Variants in SLC25A13 observed in about 807,000 individuals in gnomAD.
The protein encoded by SLC25A13 is solute carrier family 25 member 13.
SLC25A13 carries 70 observed loss-of-function variants against 85.5 expected under a neutral mutation model. The observed-to-expected ratio is 0.82, with a 90% CI of 0.68 to 1.00. SLC25A13 has a LOEUF of 1.00. Ranked by LOEUF, SLC25A13 falls within the 50% of genes least tolerant of loss-of-function variation. SLC25A13 has a pLI of 0.00. For missense variants in SLC25A13, 765 were observed against 819.8 expected (o/e 0.93, Z 0.82); for synonymous variants, 259 against 288.7 (o/e 0.90, Z 1.04).
At chr7:96,143,125 T>C (rs1199749529) in intron 14 of SLC25A13, among the ~76,000 whole-genome samples, 1 of 152,210 alleles carries the variant, frequency 6.6e-6, no homozygotes, top group Non-Finnish European at 1.5e-5. Flanking sequence ...TCACTGACCA[T>C]GTTTTGTACT....
intron 7 of SLC25A13, 118 bp from the exon 8 acceptor site, chr7:96,189,792 G>T: frequency 1.1e-6 from 1 of 888,506 alleles, no homozygotes; most frequent in Non-Finnish European, 1.9e-6. Flanking sequence ...ATCATCAGTT[G>T]TAGAATTCAA....
At chr7:96,286,529 A>G (rs981961436) in intron 2 of SLC25A13, among the ~76,000 whole-genome samples, 1 of 152,138 alleles carries the variant, frequency 6.6e-6, no homozygotes, top group Non-Finnish European at 1.5e-5. Flanking sequence ...TAATTCAAAC[A>G]TTACCACCTC....
At chr7:96,197,051 A>G (rs1402232359) in intron 5 of SLC25A13, among the ~76,000 whole-genome samples, 2 of 152,198 alleles carry the variant, frequency 1.3e-5, no homozygotes, top group African/African-American at 4.8e-5. Context: ...AGTCTCACTG[A>G]CAGGAAGCAG....
chr7:96,171,645 A>G, intron 11 of SLC25A13, 121 bp from the exon 12 acceptor site: 1 of 796,228 alleles, frequency 1.3e-6, no homozygotes, highest in Non-Finnish European at 2.1e-6. Flanking sequence ...ATTTTCTGCT[A>G]TTACCCTTAA....
chr7:96,273,389 T>A (rs1362940652), intron 3 of SLC25A13, among the ~76,000 whole-genome samples: 1 of 152,160 alleles, frequency 6.6e-6, no homozygotes, highest in Non-Finnish European at 1.5e-5. Context: ...ACACACCAGA[T>A]CTGCAAATAT....
chr7:96,270,236 T>C (rs1798185222), intron 3 of SLC25A13, among the ~76,000 whole-genome samples: 1 of 152,180 alleles, frequency 6.6e-6, no homozygotes, highest in Admixed American at 6.5e-5. Context: ...ATCATAAATA[T>C]ATTCAACTTT....
chr7:96,277,127 G>A (rs1798482162), intron 3 of SLC25A13, 69 bp downstream of exon 3: 1 of 1,449,600 alleles, frequency 6.9e-7, no homozygotes, highest in Non-Finnish European at 9.3e-7. Flanking sequence ...ATGACTTCCT[G>A]GTCATTAGAG....
intron 1 of SLC25A13, among the ~76,000 whole-genome samples, chr7:96,299,798 C>T (rs1217921404): frequency 6.6e-6 from 1 of 152,158 alleles, no homozygotes; most frequent in East Asian, 1.9e-4. Context: ...TACTACATAC[C>T]TAGGCAAATG....
chr7:96,266,853 A>G (rs1798057763), intron 3 of SLC25A13, among the ~76,000 whole-genome samples: 1 of 152,184 alleles, frequency 6.6e-6, no homozygotes, highest in African/African-American at 2.4e-5. Flanking sequence ...CACTGATTCA[A>G]TGAGAGCTGT....
chr7:96,294,620 A>AG lies in SLC25A13; in HGVS notation c.69+2277_69+2278insC, dbSNP rs1415164881. 2.6e-5 allele frequency among the ~76,000 whole-genome samples: 4 copies of AG among 151,374 alleles called. 1 individual carries two copies. The highest frequency in any genetic ancestry group is 2.6e-4 in the Admixed American group (4 of 15,154). ...TGAGACTCTGTCTCAGAAAAAAAAA[A>AG]AAAGAAAAAAAAGAAACTCTACACT... is the stretch of plus-strand genomic sequence containing the variant. On this transcript the variant is annotated intron_variant, in intron 2 of 17. Coordinates refer to ENST00000265631, the MANE Select transcript of SLC25A13 (RefSeq NM_014251.3).
At position 96,208,718 on chromosome 7, in the gene SLC25A13, G is replaced by A. The variant is rs1795559424; in HGVS notation, c.468+120C>T. 4 of 1,123,668 alleles carry A rather than the reference G, an allele frequency of 3.6e-6. No homozygotes were observed. In the Admixed American group the frequency reaches 5.2e-5, roughly 15 times the overall value. 69.6% of individuals were successfully genotyped at this position (1,123,668 alleles called of 1,614,324 possible). A position where few individuals can be genotyped will look rare whatever the true frequency, so the allele number is the denominator to read the frequency against. ...GACGGGGTTTCACCATGTTGGCCAG[G>A]ATGGTCTCGATCTCCTGACCTCGTC... On this transcript the variant is annotated intron_variant, in intron 5 of 17. Coordinates refer to ENST00000265631, the MANE Select transcript of SLC25A13 (RefSeq NM_014251.3).
chr7:96,165,440 GTC>G (rs1793702824), intron 13 of SLC25A13, among the ~76,000 whole-genome samples: 2 of 152,172 alleles, frequency 1.3e-5, no homozygotes, highest in African/African-American at 4.8e-5. Context: ...CCAACCATAA[GTC>G]CATCTAGAAA....
intron 1 of SLC25A13, among the ~76,000 whole-genome samples, chr7:96,308,849 A>C (rs1271093245): frequency 6.6e-6 from 1 of 152,238 alleles, no homozygotes; most frequent in Non-Finnish European, 1.5e-5. Flanking sequence ...CTTAGAACAA[A>C]TCAATGTGAA....
intron 13 of SLC25A13, among the ~76,000 whole-genome samples, chr7:96,162,815 G>C (rs1793564824): frequency 1.3e-5 from 2 of 152,076 alleles, no homozygotes; most frequent in Non-Finnish European, 2.9e-5. Context: ...AAAATGGAGA[G>C]AGTAGCCAGT....
intron 15 of SLC25A13, among the ~76,000 whole-genome samples, chr7:96,130,304 T>A (rs1791966837): frequency 6.6e-6 from 1 of 152,250 alleles, no homozygotes; most frequent in Non-Finnish European, 1.5e-5. Context: ...TTTCACAACT[T>A]ATTTTTTGGA....
intron 3 of SLC25A13, among the ~76,000 whole-genome samples, chr7:96,235,354 T>C (rs1562866348): frequency 1.3e-5 from 2 of 152,202 alleles, no homozygotes. Flanking sequence ...ACTACTGGTA[T>C]TTACTGACCA....
chr7:96,216,917 G>A (rs1795922284), intron 4 of SLC25A13, among the ~76,000 whole-genome samples: 3 of 151,706 alleles, frequency 2.0e-5, no homozygotes, highest in Non-Finnish European at 2.9e-5. Flanking sequence ...TTAAAAAAAA[G>A]AGAGAAAAAA....
Position 96,121,294 on chromosome 7 carries a change from A to C in SLC25A13, c.1925T>G (p.Leu642Arg). 1 of 1,614,192 alleles carries C rather than the reference A, an allele frequency of 6.2e-7. No individual in the cohort carries two copies. Among genetic ancestry groups the C allele is most frequent in the South Asian group, 1.1e-5 (1 of 91,080 alleles). ...PNPDHVGGYK[L>R]AVATFAGIEN... ...AATCCCTGCAAATGTAGCAACTGCCAGTTTGTAGCCCCCAACGTGATCAGG... is the reference window on the plus strand; with the variant it reads ...AATCCCTGCAAATGTAGCAACTGCCCGTTTGTAGCCCCCAACGTGATCAGG... Residue 642 changes from leucine to arginine, a missense_variant, in exon 18 of 18, where the codon CTG becomes CGG. Physicochemically the swap from Leu to Arg is moderately radical, Grantham distance 102. Coordinates refer to ENST00000265631, the MANE Select transcript of SLC25A13 (RefSeq NM_014251.3).
rs2116378600 is a variant in SLC25A13, at chr7:96,120,925, A to G, written c.*266T>C. 2 of 579,202 alleles carry G rather than the reference A, an allele frequency of 3.5e-6. No individual in the cohort carries two copies. The highest frequency in any genetic ancestry group is 3.0e-5 in the South Asian group (2 of 65,624). 35.9% of individuals were successfully genotyped at this position (579,202 alleles called of 1,614,324 possible). A position where few individuals can be genotyped will look rare whatever the true frequency, so the allele number is the denominator to read the frequency against. On this transcript the variant is annotated 3_prime_UTR_variant, in exon 18 of 18. Coordinates refer to ENST00000265631, the MANE Select transcript of SLC25A13 (RefSeq NM_014251.3). ...TCTGACTTGCTCCTTTCCCCAAATC[A>G]TGTTAGTGTTGACCAAATCCCATCA...
Sources: allele counts gnomAD v4.1 joint callset (sites outside exome capture counted in the v4.1 genomes callset), GRCh38; gene constraint gnomAD v4.1.1; transcripts MANE v1.5; gene names NCBI Gene and HGNC (gene_info 2026-07-23, HGNC 2026-07-21).